Variants in EMC3 observed in about 807,000 individuals in gnomAD.
EMC3 encodes ER membrane protein complex subunit 3, also known as 30 kDa protein.
A neutral mutation model predicts 36.6 loss-of-function variants in EMC3; 13 were observed. The ratio of observed to expected loss-of-function variants is 0.35; its 90% CI spans 0.23 to 0.56. The LOEUF is 0.56. Ranked by LOEUF, EMC3 falls within the 20% of genes least tolerant of loss-of-function variation. The pLI, the probability that EMC3 is intolerant of heterozygous loss-of-function variation, is 0.84. For missense variants in EMC3, 220 were observed against 324.5 expected, an observed-to-expected ratio of 0.68 and a Z score of 2.47; for synonymous variants, 120 against 111.9, an observed-to-expected ratio of 1.07 and a Z score of -0.46.
upstream of EMC3, chr3:9,988,424 G>A (rs1265510156): frequency 5.1e-6 from 7 of 1,362,512 alleles, no homozygotes; most frequent in African/African-American, 2.9e-5. Flanking sequence ...TCTCTTTGAT[G>A]TAATAAAGTC....
At chr3:10,002,288 T>C (rs1357504922) in intron 1 of EMC3, among the ~76,000 whole-genome samples, 1 of 151,074 alleles carries the variant, frequency 6.6e-6, no homozygotes, top group African/African-American at 2.4e-5. Context: ...TTTTATTTTA[T>C]TTTATTTTAT....
At chr3:9,990,389 C>T (rs149071221), upstream of EMC3, among the ~76,000 whole-genome samples, 28 of 132,476 alleles carry the variant, frequency 2.1e-4, no homozygotes, top group African/African-American at 7.3e-4. Context: ...AGGTGGAGTG[C>T]GGTGACAGCA....
At chr3:9,990,558 A>G (rs143073760), upstream of EMC3, among the ~76,000 whole-genome samples, 483 of 151,798 alleles carry the variant, frequency 3.2e-3, 1 homozygote, top group Non-Finnish European at 4.9e-3. Context: ...TGCCTAGGCT[A>G]TAGTGAAGTG....
chr3:9,995,605 G>T (rs911164407), intron 1 of EMC3, among the ~76,000 whole-genome samples: 3 of 151,568 alleles, frequency 2.0e-5, no homozygotes, highest in African/African-American at 7.3e-5. Flanking sequence ...AATGAAGCCA[G>T]CAGCCACATC....
At chr3:9,975,509 A>G (rs1032616821) in intron 3 of EMC3, among the ~76,000 whole-genome samples, 1 of 150,432 alleles carries the variant, frequency 6.6e-6, no homozygotes, top group African/African-American at 2.4e-5. Flanking sequence ...ACTGGGCTAA[A>G]AAAAAAAAAA....
Position 9,963,881 on chromosome 3 carries a change from C to T in EMC3, c.*188G>A. The T allele has an allele frequency of 4.9e-6, 4 of 823,366 alleles. No individual in the cohort carries two copies. The highest frequency in any genetic ancestry group is 7.3e-6 in the Non-Finnish European group (4 of 545,766). The allele number at this position is 823,366 out of a possible 1,614,324, so 51.0% of individuals were successfully genotyped here. A position where few individuals can be genotyped will look rare whatever the true frequency, so the allele number is the denominator to read the frequency against. ...ACAACATTTTAAAAATAACAAGTTG[C>T]CCAGCATACTCCTATTTCCTCTAGT... is the stretch of plus-strand genomic sequence containing the variant. On this transcript the variant is annotated 3_prime_UTR_variant, in exon 8 of 8. Transcript: ENST00000245046.
At chr3:9,968,934 C>G (rs1409006773) in intron 7 of EMC3, 1 of 151,898 alleles carries the variant, frequency 6.6e-6, no homozygotes, top group Non-Finnish European at 1.5e-5. Context: ...GCAATTCTGT[C>G]TCAGCCTCCC....
At chr3:9,974,606 T>TG (rs2085824134) in intron 3 of EMC3, 118 bp from the exon 4 acceptor site, 1 of 628,592 alleles carries the variant, frequency 1.6e-6, no homozygotes, top group East Asian at 3.0e-5. Flanking sequence ...TCGCCCAGGC[T>TG]GGAGTGCAGT....
chr3:9,992,152 G>T (rs986434464), intron 1 of EMC3, among the ~76,000 whole-genome samples: 4 of 151,246 alleles, frequency 2.6e-5, no homozygotes, highest in East Asian at 1.9e-4. Context: ...ACAGAGTCTC[G>T]CTGTGTCACC....
chr3:9,989,500 C>T (rs2086020063), upstream of EMC3, among the ~76,000 whole-genome samples: 1 of 152,202 alleles, frequency 6.6e-6, no homozygotes, highest in Non-Finnish European at 1.5e-5. Context: ...TGATTGAGTT[C>T]CTTAGGTGCT....
chr3:9,989,872 C>G (rs1030000960), upstream of EMC3, among the ~76,000 whole-genome samples: 26 of 151,284 alleles, frequency 1.7e-4, no homozygotes, highest in Non-Finnish European at 5.9e-5. Context: ...TCTAATGACT[C>G]TAAATTTTGG....
Position 9,970,668 on chromosome 3 carries a change from A to G in EMC3, c.495-7T>C. On this transcript the variant is annotated splice_polypyrimidine_tract_variant and splice_region_variant and intron_variant, in intron 5 of 7. Coordinates refer to ENST00000245046, the MANE Select transcript of EMC3 (RefSeq NM_001394674.1). ...CCAGGATGCAGAACTCACCCTGGCA[A>G]AGCAAAATGAAAATGGTGTGGTTAG... is the stretch of plus-strand genomic sequence containing the variant. The G allele has an allele frequency of 1.2e-6, 2 of 1,614,056 alleles. No individual in the cohort carries two copies. The highest frequency in any genetic ancestry group is 2.2e-5 in the South Asian group (2 of 91,084).
At chr3:9,964,790 T>C (rs549041929) in intron 7 of EMC3, among the ~76,000 whole-genome samples, 6 of 152,242 alleles carry the variant, frequency 3.9e-5, no homozygotes, top group East Asian at 1.9e-4. Context: ...ACTTTGATGA[T>C]GTGAACTAAA....
At chr3:9,973,607 T>C (rs2085813085) in intron 5 of EMC3, 21 bp downstream of exon 5, 2 of 1,609,670 alleles carry the variant, frequency 1.2e-6, no homozygotes, top group Admixed American at 1.7e-5. Flanking sequence ...GTGTTTTTAT[T>C]AAACAAAAGA....
chr3:9,986,933 G>C, upstream of EMC3: 1 of 1,236,808 alleles, frequency 8.1e-7, no homozygotes, highest in Non-Finnish European at 1.0e-6. Context: ...TATCGGCGGT[G>C]GCCCAGGCTC....
chr3:9,976,715 C>G (rs532605714), intron 3 of EMC3, among the ~76,000 whole-genome samples: 1 of 152,294 alleles, frequency 6.6e-6, no homozygotes, highest in South Asian at 2.1e-4. Flanking sequence ...GGCCTCCCCA[C>G]TCCATCAGCT....
rs554222190 is a variant in EMC3 at position 9,969,458 on chromosome 3, T to C, written c.657+261A>G. The C allele has an allele frequency of 2.2e-5, 30 of 1,349,054 alleles. No homozygotes were observed. In the East Asian group the frequency reaches 5.8e-4, roughly 26 times the overall value. The allele number at this position is 1,349,054 out of a possible 1,614,324, so 83.6% of individuals were successfully genotyped here. Reference sequence around the variant, plus strand: ...CTAAATGTTTACCTGGCACCTCCGATTGGATTATTTTACAGCATCATTGAT... The same window carrying C: ...CTAAATGTTTACCTGGCACCTCCGACTGGATTATTTTACAGCATCATTGAT... On this transcript the variant is annotated intron_variant, in intron 7 of 7. Coordinates refer to ENST00000245046, the MANE Select transcript of EMC3 (RefSeq NM_001394674.1).
intron 1 of EMC3, among the ~76,000 whole-genome samples, chr3:9,997,076 T>C (rs573860722): frequency 3.2e-4 from 48 of 152,286 alleles, no homozygotes; most frequent in African/African-American, 1.1e-3. Context: ...CATTAGGCAA[T>C]AATTTGCCAT....
Position 9,969,529 on chromosome 3 carries a change from C to T in EMC3, c.657+190G>A, listed in dbSNP as rs2085763961. 2.0e-6 allele frequency: 3 copies of T among 1,472,628 alleles called. No individual in the cohort carries two copies. In the African/African-American group the frequency reaches 4.2e-5, roughly 21 times the overall value. 91.2% of individuals were successfully genotyped at this position (1,472,628 alleles called of 1,614,324 possible). A position where few individuals can be genotyped will look rare whatever the true frequency, so the allele number is the denominator to read the frequency against. On this transcript the variant is annotated intron_variant, in intron 7 of 7. Transcript: ENST00000245046. Reference sequence around the variant, plus strand: ...GAGCATTTAAAAACCAGTAAAAGCACCAAGAATTTCCATTTACTTAATAGA... The same window carrying T: ...GAGCATTTAAAAACCAGTAAAAGCATCAAGAATTTCCATTTACTTAATAGA...
Sources: gnomAD v4.1 joint callset for allele counts (sites outside exome capture counted in the v4.1 genomes callset) on GRCh38, gnomAD v4.1.1 for gene constraint, MANE v1.5 for transcripts, NCBI Gene and HGNC (gene_info 2026-07-23, HGNC 2026-07-21) for gene names.